The following SGTB variants were observed in gnomAD, a reference collection of about 807,000 sequenced individuals.
SGTB encodes small glutamine rich tetratricopeptide repeat co-chaperone beta, also known as small glutamine-rich tetratricopeptide repeat-containing protein beta.
A neutral mutation model predicts 43.9 loss-of-function variants in SGTB; 19 were observed. The ratio of observed to expected loss-of-function variants is 0.43; its 90% CI spans 0.30 to 0.63. The LOEUF (loss-of-function observed/expected upper bound fraction) is 0.63. SGTB is among the 30% of genes least tolerant of loss of function. SGTB has a pLI of 0.12. For missense variants in SGTB, 304 were observed against 358.9 expected (o/e 0.85, Z 1.24); for synonymous variants, 116 against 117.3 (o/e 0.99, Z 0.07).
At chr5:65,699,946 C>T (rs1392362140) in intron 5 of SGTB, among the ~76,000 whole-genome samples, 1 of 152,176 alleles carries the variant, frequency 6.6e-6, no homozygotes, top group Admixed American at 6.5e-5. Context: ...TGAGTATAAG[C>T]AACCAATTGT....
At chr5:65,690,443 A>AC (rs1757584232) in intron 5 of SGTB, among the ~76,000 whole-genome samples, 2 of 152,056 alleles carry the variant, frequency 1.3e-5, no homozygotes, top group Admixed American at 6.6e-5. Flanking sequence ...TGTCCTCCTC[A>AC]CCCCCCTAAA....
At chr5:65,698,837 C>T (rs891406773) in intron 5 of SGTB, among the ~76,000 whole-genome samples, 1 of 152,126 alleles carries the variant, frequency 6.6e-6, no homozygotes, top group Admixed American at 6.5e-5. Flanking sequence ...TGAGATACCA[C>T]CTTACTCTTG....
chr5:65,711,315 T>G (rs1391503428), intron 3 of SGTB, among the ~76,000 whole-genome samples: 1 of 152,066 alleles, frequency 6.6e-6, no homozygotes, highest in South Asian at 2.1e-4. Context: ...AGAAAAAGCT[T>G]TATTCAAACA....
intron 5 of SGTB, among the ~76,000 whole-genome samples, chr5:65,698,254 A>C (rs76338323): frequency 0.016 from 2,379 of 152,318 alleles, 54 homozygotes; most frequent in African/African-American, 0.055. Context: ...TTTTACCCCC[A>C]AAAAAGTAAA....
chr5:65,682,531 G>C (rs1757416626), intron 6 of SGTB, among the ~76,000 whole-genome samples: 1 of 152,158 alleles, frequency 6.6e-6, no homozygotes, highest in African/African-American at 2.4e-5. Flanking sequence ...ATCAACACTT[G>C]GATTCAAGAT....
intron 5 of SGTB, among the ~76,000 whole-genome samples, chr5:65,691,473 T>C (rs1757606691): frequency 6.6e-6 from 1 of 151,778 alleles, no homozygotes. Flanking sequence ...CAGGCTGGAG[T>C]GCAGTGGCAC....
rs185140753 is a variant in SGTB, at chr5:65,688,735, G to C, written c.375-3263C>G. Among the ~76,000 whole-genome samples the C allele has an allele frequency of 1.9e-3, 295 of 152,284 alleles. 2 individuals carry two copies. Among genetic ancestry groups the C allele is most frequent in the African/African-American group, 6.8e-3 (284 of 41,564 alleles). The stretch of plus-strand genomic sequence containing the variant: ...ATGTTACCTAGCAAAAGTTTTCAAA[G>C]AGAACAATAATACCATGTGGATTGC... On this transcript the variant is annotated intron_variant, in intron 5 of 10. Coordinates refer to ENST00000381007, the MANE Select transcript of SGTB (RefSeq NM_019072.3).
At chr5:65,701,794 G>A (rs1757830131) in intron 5 of SGTB, among the ~76,000 whole-genome samples, 1 of 151,966 alleles carries the variant, frequency 6.6e-6, no homozygotes, top group East Asian at 1.9e-4. Context: ...CACCATGCCC[G>A]GCTAATTCCT....
chr5:65,700,887 G>A (rs1285317587), intron 5 of SGTB, among the ~76,000 whole-genome samples: 1 of 150,472 alleles, frequency 6.6e-6, no homozygotes, highest in South Asian at 2.1e-4. Flanking sequence ...GCACATGCCT[G>A]TAGTCCCAGC....
chr5:65,722,373 C>A, upstream of SGTB: 1 of 1,582,562 alleles, frequency 6.3e-7, no homozygotes, highest in African/African-American at 1.4e-5. Context: ...TCAGCGCTCC[C>A]ATGATCGCCC....
chr5:65,691,431 TA>T (rs1757605091), intron 5 of SGTB, among the ~76,000 whole-genome samples: 1 of 152,026 alleles, frequency 6.6e-6, no homozygotes, highest in Non-Finnish European at 1.5e-5. Context: ...ATTATTTTAT[TA>T]TTTTTTTTGA....
intron 10 of SGTB, among the ~76,000 whole-genome samples, chr5:65,671,259 G>A (rs946779392): frequency 6.6e-6 from 1 of 152,080 alleles, no homozygotes; most frequent in African/African-American, 2.4e-5. Context: ...ATATATATAT[G>A]AGATCACAAT....
chr5:65,713,130 C>A, intron 2 of SGTB, 66 bp from the exon 3 acceptor site: 2 of 957,658 alleles, frequency 2.1e-6, no homozygotes, highest in Non-Finnish European at 1.6e-6. Flanking sequence ...TTTTTTTTTT[C>A]TGATAGAACT....
chr5:65,672,783 A>C (rs1447747031), intron 8 of SGTB, among the ~76,000 whole-genome samples: 1 of 152,204 alleles, frequency 6.6e-6, no homozygotes, highest in Non-Finnish European at 1.5e-5. Flanking sequence ...CAAATTGGTA[A>C]TGTCGACAAT....
At chr5:65,704,844 G>A (rs1757898829) in intron 4 of SGTB, among the ~76,000 whole-genome samples, 1 of 152,174 alleles carries the variant, frequency 6.6e-6, no homozygotes, top group South Asian at 2.1e-4. Context: ...GAACACTGCT[G>A]AGGATAAGCT....
chr5:65,710,238 T>G (rs1295805564), intron 3 of SGTB, among the ~76,000 whole-genome samples: 1 of 152,208 alleles, frequency 6.6e-6, no homozygotes, highest in East Asian at 1.9e-4. Flanking sequence ...TTAGGGTTCC[T>G]TGTATTTTAA....
intron 5 of SGTB, among the ~76,000 whole-genome samples, chr5:65,701,538 A>C (rs989679758): frequency 1.3e-4 from 20 of 152,180 alleles, no homozygotes; most frequent in Non-Finnish European, 2.6e-4. Flanking sequence ...TAAAAGGCAA[A>C]TAAGACACAC....
At chr5:65,671,362 A>T (rs1389096257) in intron 10 of SGTB, among the ~76,000 whole-genome samples, 1 of 152,180 alleles carries the variant, frequency 6.6e-6, no homozygotes, top group Admixed American at 6.5e-5. Context: ...GAGATACAGT[A>T]TTGATACCCC....
chr5:65,715,289 C>T (rs1758127445), intron 2 of SGTB, among the ~76,000 whole-genome samples: 1 of 152,136 alleles, frequency 6.6e-6, no homozygotes, highest in Non-Finnish European at 1.5e-5. Context: ...ACTATATATA[C>T]TTATTGTTTC....
Sources: allele counts gnomAD v4.1 joint callset (sites outside exome capture counted in the v4.1 genomes callset), GRCh38; gene constraint gnomAD v4.1.1; transcripts MANE v1.5; gene names NCBI Gene and HGNC (gene_info 2026-07-23, HGNC 2026-07-21).